FOCAD: variants seen among roughly 807,000 people sequenced by gnomAD.
FOCAD encodes the protein KIAA1797.
Under a neutral mutation model 225.6 loss-of-function variants are expected in FOCAD, and 198 were observed. That is an observed-to-expected ratio of 0.88 (90% CI 0.78 to 0.99). FOCAD has a LOEUF of 0.99. FOCAD is among the 50% of genes least tolerant of loss of function. The probability of loss-of-function intolerance (pLI) is 0.00; values close to 1 mark genes in which losing one functional copy is unlikely to be tolerated. For missense variants in FOCAD, 2,713 were observed against 2,123.6 expected, an observed-to-expected ratio of 1.28 and a Z score of -5.46; for synonymous variants, 897 against 755.0, an observed-to-expected ratio of 1.19 and a Z score of -3.08.
chr9:20,787,883 C>T (rs551134875), intron 10 of FOCAD, among the ~76,000 whole-genome samples: 1 of 152,122 alleles, frequency 6.6e-6, no homozygotes, highest in Non-Finnish European at 1.5e-5. Context: ...TTGGGGGAAT[C>T]TTTTTATATC....
rs573302596 is a variant in FOCAD at position 20,966,155 on chromosome 9, A to G, written c.4133-10265A>G. Among the ~76,000 whole-genome samples the G allele has an allele frequency of 5.3e-5, 8 of 152,234 alleles. No homozygotes were observed. In the East Asian group the frequency reaches 1.2e-3, roughly 22 times the overall value. On this transcript the variant is annotated intron_variant, in intron 35 of 43. Coordinates refer to ENST00000338382, the MANE Select transcript of FOCAD (RefSeq NM_001375567.1). ...GCACTGTTTTACATTCTTGCAAGCA[A>G]TATAGGAGGGTTCCAATTTCTCCAC...
intron 11 of FOCAD, among the ~76,000 whole-genome samples, chr9:20,817,325 G>T (rs374808866): frequency 6.6e-6 from 1 of 151,832 alleles, no homozygotes; most frequent in Non-Finnish European, 1.5e-5. Context: ...CATTACCCCC[G>T]AAGGAAACCC....
At chr9:20,785,419 C>T (rs971702309) in intron 10 of FOCAD, among the ~76,000 whole-genome samples, 2 of 152,082 alleles carry the variant, frequency 1.3e-5, no homozygotes, top group Non-Finnish European at 2.9e-5. Context: ...TTCCTCACCC[C>T]TCAGGCTAGG....
At chr9:20,669,445 G>A (rs1416819891) in intron 2 of FOCAD, among the ~76,000 whole-genome samples, 2 of 152,150 alleles carry the variant, frequency 1.3e-5, no homozygotes, top group Non-Finnish European at 2.9e-5. Flanking sequence ...GTCAAGATTG[G>A]ATATGTGTTG....
chr9:20,838,073 T>G lies in FOCAD; in HGVS notation c.1920+14958T>G, dbSNP rs1156327014. Among the ~76,000 whole-genome samples, 7 of 152,272 alleles carry G rather than the reference T, an allele frequency of 4.6e-5. No homozygotes were observed. In the East Asian group the frequency reaches 1.4e-3, roughly 29 times the overall value. On this transcript the variant is annotated intron_variant, in intron 15 of 43. Transcript: ENST00000338382. ...CTAGCATGCATATAAGCCCAGAAAT[T>G]GTATTTAAACAATGCAATGTATACC...
intron 11 of FOCAD, among the ~76,000 whole-genome samples, chr9:20,794,210 TAGAG>T (rs1229282517): frequency 6.6e-6 from 1 of 152,102 alleles, no homozygotes; most frequent in Admixed American, 6.6e-5. Flanking sequence ...TAACAGAACT[TAGAG>T]AGCAGGAGGT....
At chr9:20,962,757 T>G (rs892967283) in intron 35 of FOCAD, among the ~76,000 whole-genome samples, 2 of 152,222 alleles carry the variant, frequency 1.3e-5, no homozygotes, top group Non-Finnish European at 1.5e-5. Context: ...TTAAAGTAAC[T>G]TTGTTTCCAG....
At chr9:20,765,358 A>G (rs1829966305) in intron 7 of FOCAD, among the ~76,000 whole-genome samples, 1 of 152,238 alleles carries the variant, frequency 6.6e-6, no homozygotes, top group Non-Finnish European at 1.5e-5. Context: ...AACAGTTATC[A>G]GGTAAAAGAT....
chr9:20,989,225 A>T (rs35636296), intron 41 of FOCAD, among the ~76,000 whole-genome samples: 1 of 152,104 alleles, frequency 6.6e-6, no homozygotes, highest in Non-Finnish European at 1.5e-5. Context: ...GAAGAGTTGT[A>T]TGTCTTTTTG....
At chr9:20,800,556 C>CT (rs1183534374) in intron 11 of FOCAD, among the ~76,000 whole-genome samples, 5 of 152,104 alleles carry the variant, frequency 3.3e-5, no homozygotes, top group South Asian at 2.1e-4. Context: ...TCTTTTCACT[C>CT]TTTTTTCTCT....
At chr9:20,945,390 G>T (rs1837074607) in intron 29 of FOCAD, among the ~76,000 whole-genome samples, 1 of 152,140 alleles carries the variant, frequency 6.6e-6, no homozygotes, top group Admixed American at 6.5e-5. Context: ...TCTTTGAGAG[G>T]AGCAGGGTAT....
At chr9:20,821,760 A>G (rs1487984122) in intron 14 of FOCAD, among the ~76,000 whole-genome samples, 1 of 151,974 alleles carries the variant, frequency 6.6e-6, no homozygotes, top group Non-Finnish European at 1.5e-5. Flanking sequence ...TCATTTGTTG[A>G]TCAGCCACTG....
At chr9:20,832,008 G>A (rs184035095) in intron 15 of FOCAD, among the ~76,000 whole-genome samples, 1 of 152,160 alleles carries the variant, frequency 6.6e-6, no homozygotes, top group Admixed American at 6.6e-5. Context: ...GTTCATTCTT[G>A]TGGCAACATG....
At chr9:20,833,444 A>G (rs1825706125) in intron 15 of FOCAD, among the ~76,000 whole-genome samples, 1 of 152,080 alleles carries the variant, frequency 6.6e-6, no homozygotes, top group South Asian at 2.1e-4. Context: ...TCCAATATTA[A>G]CTAAAGATAA....
chr9:20,781,968 G>A (rs77558601), intron 10 of FOCAD, 39 bp downstream of exon 10: 2 of 1,579,306 alleles, frequency 1.3e-6, no homozygotes, highest in Non-Finnish European at 1.7e-6. Flanking sequence ...ATAAAGTGTC[G>A]ATGTGGGATT....
chr9:20,922,033 A>G (rs1251175396), intron 24 of FOCAD, among the ~76,000 whole-genome samples: 1 of 152,048 alleles, frequency 6.6e-6, no homozygotes, highest in African/African-American at 2.4e-5. Flanking sequence ...TGCAGTAGGA[A>G]AGGCCTCAGG....
chr9:20,870,952 C>G (rs1190919815), intron 18 of FOCAD, among the ~76,000 whole-genome samples: 1 of 152,038 alleles, frequency 6.6e-6, no homozygotes, highest in African/African-American at 2.4e-5. Context: ...CCTGTAATCC[C>G]AGCACTTTGG....
rs191109327 is a variant in FOCAD, at chr9:20,812,585, C to A, written c.1456-7211C>A. On this transcript the variant is annotated intron_variant, in intron 11 of 43. Transcript: ENST00000338382. Reference sequence around the variant, plus strand: ...GAGATGCTGGTTTGTGTCTCTCCTGCGTGTTTTTTTCTTTATGTTTTGTCC... The same window carrying A: ...GAGATGCTGGTTTGTGTCTCTCCTGAGTGTTTTTTTCTTTATGTTTTGTCC... 1.5e-3 allele frequency among the ~76,000 whole-genome samples: 221 copies of A among 151,872 alleles called. 3 individuals carry two copies. The highest frequency in any genetic ancestry group is 4.9e-3 in the African/African-American group (204 of 41,430).
intron 5 of FOCAD, among the ~76,000 whole-genome samples, chr9:20,741,676 CTT>C (rs10675694): frequency 4.6e-5 from 4 of 87,166 alleles, no homozygotes; most frequent in African/African-American, 8.9e-5. Flanking sequence ...GGTAAATATG[CTT>C]TTTTTTTTTT....
Sources: allele counts gnomAD v4.1 joint callset (sites outside exome capture counted in the v4.1 genomes callset), GRCh38; gene constraint gnomAD v4.1.1; transcripts MANE v1.5; gene names NCBI Gene and HGNC (gene_info 2026-07-23, HGNC 2026-07-21).